The following NPHP4 variants were observed in gnomAD, a reference collection of about 807,000 sequenced individuals.
NPHP4 encodes the protein nephrocystin-4.
In NPHP4, 151 loss-of-function variants were observed where a neutral mutation model predicts 155.8. The ratio of observed to expected loss-of-function variants is 0.97; its 90% CI spans 0.85 to 1.11. The LOEUF is 1.11. NPHP4 is among the 50% of genes least tolerant of loss of function. The probability of loss-of-function intolerance (pLI) is 0.00; values close to 1 mark genes in which losing one functional copy is unlikely to be tolerated. For missense variants in NPHP4, 1,956 were observed against 1,925.7 expected (o/e 1.02, Z -0.29); for synonymous variants, 845 against 816.8 (o/e 1.03, Z -0.59).
Position 5,880,113 on chromosome 1 carries a change from C to CG in NPHP4, c.2611dup (p.Arg871ProfsTer16). On this transcript the variant is annotated frameshift_variant and splice_region_variant. Coordinates refer to ENST00000378156, the MANE Select transcript of NPHP4 (RefSeq NM_015102.5). LOFTEE classifies it high-confidence loss of function. Reference sequence around the variant, plus strand: ...ACATGGGCCCAACAGTGTAAACTCACGCCTTGAGCTTCCAGTCGTGAGGAG... The same window carrying CG: ...ACATGGGCCCAACAGTGTAAACTCACGGCCTTGAGCTTCCAGTCGTGAGGAG... 4 of 1,613,648 alleles carry CG rather than the reference C, an allele frequency of 2.5e-6. No individual in the cohort carries two copies. Among genetic ancestry groups the CG allele is most frequent in the Non-Finnish European group, 3.4e-6 (4 of 1,179,710 alleles).
Position 5,905,649 on chromosome 1 carries a change from C to A in NPHP4, c.1746G>T (p.Val582=). Reference sequence around the variant, plus strand: ...CACCTCACCTCCTGGTCTGGGTTCCCACAACAATAGGGGCATGCAAAGGCG... The same window carrying A: ...CACCTCACCTCCTGGTCTGGGTTCCAACAACAATAGGGGCATGCAAAGGCG... ...PFTPLHAPIV[V]GTQTRSSAGQ... The change falls in exon 14 of 30, where the codon GTG becomes GTT. Residue 582 remains valine, a synonymous_variant. Coordinates refer to ENST00000378156, the MANE Select transcript of NPHP4 (RefSeq NM_015102.5). The surrounding 1 kb of genome is among the most constrained non-coding windows in gnomAD (Gnocchi z 4.0). 6.2e-7 allele frequency: 1 copy of A among 1,613,920 alleles called. No individual in the cohort carries two copies. The highest frequency in any genetic ancestry group is 8.5e-7 in the Non-Finnish European group (1 of 1,179,864).
intron 2 of NPHP4, among the ~76,000 whole-genome samples, chr1:5,985,169 G>A (rs1002572615): frequency 2.6e-5 from 4 of 152,210 alleles, no homozygotes; most frequent in Admixed American, 1.3e-4. Context: ...TCACAGACCC[G>A]GGGCTCCAAC....
Position 5,867,531 on chromosome 1 carries a change from C to T in NPHP4, c.3472+209G>A, listed in dbSNP as rs540002093. On this transcript the variant is annotated intron_variant, in intron 24 of 29. Transcript: ENST00000378156. The surrounding 1 kb of genome is among the most constrained non-coding windows in gnomAD (Gnocchi z 4.1). ...GATTTTTTAGAAGGGCAGACTCAGC[C>T]GGCAAATGCGCACCTAGTCATCTCA... The T allele has an allele frequency of 8.2e-6, 5 of 610,258 alleles. No homozygotes were observed. Among genetic ancestry groups the T allele is most frequent in the East Asian group, 5.6e-5 (2 of 35,658 alleles). The allele number at this position is 610,258 out of a possible 1,614,324, so 37.8% of individuals were successfully genotyped here.
At chr1:5,872,057 G>A (rs1366473927) in intron 23 of NPHP4, among the ~76,000 whole-genome samples, 1 of 152,162 alleles carries the variant, frequency 6.6e-6, no homozygotes, top group African/African-American at 2.4e-5. Flanking sequence ...TATCTGACTA[G>A]TGCACAGCCA....
chr1:5,964,937 A>ATT lies in NPHP4; in HGVS notation c.517+2361_517+2362insAA, dbSNP rs1400602210. On this transcript the variant is annotated intron_variant, in intron 5 of 29. Transcript: ENST00000378156. ...ATATATTATATATATATATATATATATATATTTTTTTTTTTTGAGGCAGGG... is the reference window on the plus strand; with the variant it reads ...ATATATTATATATATATATATATATATTTATATTTTTTTTTTTTGAGGCAGGG... Among the ~76,000 whole-genome samples, 47 of 54,924 alleles carry ATT rather than the reference A, an allele frequency of 8.6e-4. 2 individuals carry two copies. The highest frequency in any genetic ancestry group is 3.6e-3 in the African/African-American group (39 of 10,782). 36.0% of individuals were successfully genotyped at this position (54,924 alleles called of 152,430 possible).
At chr1:5,991,071 G>T (rs1355461711) in intron 1 of NPHP4, among the ~76,000 whole-genome samples, 2 of 152,140 alleles carry the variant, frequency 1.3e-5, no homozygotes, top group Admixed American at 6.5e-5. Flanking sequence ...AAGATGCAGG[G>T]GGTGGGAGGC....
At chr1:5,952,265 C>T (rs376173201) in intron 7 of NPHP4, among the ~76,000 whole-genome samples, 2 of 152,240 alleles carry the variant, frequency 1.3e-5, no homozygotes, top group South Asian at 4.1e-4. Context: ...CGCCGACGTC[C>T]TCTGAACATG....
At position 5,867,965 on chromosome 1, in the gene NPHP4, G is replaced by T; in HGVS notation, c.3316-69C>A. On this transcript the variant is annotated intron_variant, in intron 23 of 29. Transcript: ENST00000378156. The surrounding 1 kb of genome is among the most constrained non-coding windows in gnomAD (Gnocchi z 4.1). Reference sequence around the variant, plus strand: ...GTGAGCAGCTTCTTGTCCCTCCTTAGACAGCACACGTATCTCCACTGTTGC... The same window carrying T: ...GTGAGCAGCTTCTTGTCCCTCCTTATACAGCACACGTATCTCCACTGTTGC... The T allele has an allele frequency of 6.6e-7, 1 of 1,517,250 alleles. No homozygotes were observed. Among genetic ancestry groups the T allele is most frequent in the Non-Finnish European group, 9.1e-7 (1 of 1,093,072 alleles). The allele number at this position is 1,517,250 out of a possible 1,614,324, so 94.0% of individuals were successfully genotyped here. A position where few individuals can be genotyped will look rare whatever the true frequency, so the allele number is the denominator to read the frequency against.
Position 5,910,872 on chromosome 1 carries a change from G to A in NPHP4, c.1442-1659C>T, listed in dbSNP as rs1188521440. On this transcript the variant is annotated intron_variant, in intron 11 of 29. Transcript: ENST00000378156. The surrounding 1 kb of genome is among the most constrained non-coding windows in gnomAD (Gnocchi z 5.4). ...CCCTGCTAAGGGCCTGTGGATGGGT[G>A]GAAGGCATTGGGGCAAGGCCAGAGG... is the stretch of plus-strand genomic sequence containing the variant. 3.3e-5 allele frequency among the ~76,000 whole-genome samples: 5 copies of A among 152,206 alleles called. No individual in the cohort carries two copies. Among genetic ancestry groups the A allele is most frequent in the Admixed American group, 3.3e-4 (5 of 15,284 alleles).
Position 5,874,884 on chromosome 1 carries a change from G to C in NPHP4, c.3034C>G (p.Pro1012Ala). 1.2e-6 allele frequency: 2 copies of C among 1,613,670 alleles called. No homozygotes were observed. The highest frequency in any genetic ancestry group is 1.7e-6 in the Non-Finnish European group (2 of 1,179,722). ...CCACTGAGACCTCACCTGAGCTCGG[G>C]GTTGTCGATCTCCACAGTCACCGTG... is the stretch of plus-strand genomic sequence containing the variant. The part of the protein sequence containing the change: ...QHTVTVEIDN[P>A]ELSVIVDSQE... Residue 1012 changes from proline (P) to alanine (A), a missense_variant, in exon 21 of 30, where the codon CCC becomes GCC. Coordinates refer to ENST00000378156, the MANE Select transcript of NPHP4 (RefSeq NM_015102.5).
intron 16 of NPHP4, among the ~76,000 whole-genome samples, chr1:5,903,368 C>G (rs1644765360): frequency 6.6e-6 from 1 of 152,174 alleles, no homozygotes; most frequent in Admixed American, 6.5e-5. Flanking sequence ...TGCTTTGTGT[C>G]TCTGCTGTCA....
At chr1:5,912,495 G>A (rs545398682) in intron 11 of NPHP4, among the ~76,000 whole-genome samples, 224 of 143,884 alleles carry the variant, frequency 1.6e-3, no homozygotes, top group Non-Finnish European at 2.9e-3. Context: ...CCGAGATCGC[G>A]CCACTGCACT....
intron 9 of NPHP4, among the ~76,000 whole-genome samples, chr1:5,945,903 T>TG (rs1553185052): frequency 0.028 from 4,250 of 151,272 alleles, 193 homozygotes; most frequent in African/African-American, 0.098. Context: ...TCTGGCATTG[T>TG]CCCCCCCCAG....
intron 3 of NPHP4, among the ~76,000 whole-genome samples, chr1:5,975,781 G>T (rs949274210): frequency 6.6e-6 from 1 of 152,224 alleles, no homozygotes. Context: ...AACTTCCGCC[G>T]CAACGGAAGC....
intron 11 of NPHP4, among the ~76,000 whole-genome samples, chr1:5,917,204 T>C (rs1645519488): frequency 6.6e-6 from 1 of 152,066 alleles, no homozygotes; most frequent in South Asian, 2.1e-4. Context: ...GAAGGGTGTG[T>C]GACCAAGGCC....
rs1645101363 is a variant in NPHP4 at position 5,910,005 on chromosome 1, G to T, written c.1442-792C>A. ...CAGGGCTCTCAGCCCCTGCACCTCA[G>T]CAGGAGGAAGCCCCAGCATCGCTGG... On this transcript the variant is annotated intron_variant, in intron 11 of 29. Transcript: ENST00000378156. The surrounding 1 kb of genome is among the most constrained non-coding windows in gnomAD (Gnocchi z 5.4). 6.6e-6 allele frequency among the ~76,000 whole-genome samples: 1 copy of T among 152,196 alleles called. No individual in the cohort carries two copies. The highest frequency in any genetic ancestry group is 2.4e-5 in the African/African-American group (1 of 41,458).
intron 11 of NPHP4, among the ~76,000 whole-genome samples, chr1:5,920,807 T>C (rs1645706721): frequency 6.6e-6 from 1 of 152,266 alleles, no homozygotes; most frequent in African/African-American, 2.4e-5. Context: ...CTGAGGTCTG[T>C]CTTCTAACTT....
intron 23 of NPHP4, 51 bp downstream of exon 23, chr1:5,873,201 G>A (rs1642190873): frequency 6.8e-7 from 1 of 1,477,402 alleles, no homozygotes; most frequent in Non-Finnish European, 9.5e-7. Context: ...GTCAGGCCCT[G>A]GGAATACCCA....
At position 5,948,199 on chromosome 1, in the gene NPHP4, C is replaced by T. The variant is rs774872736; in HGVS notation, c.863G>A (p.Arg288His). The change falls in exon 8 of 30, where the codon CGT becomes CAT. Residue 288 changes from arginine (R) to histidine (H), a missense_variant. By Grantham distance (29) the Arg-to-His change is conservative. Coordinates refer to ENST00000378156, the MANE Select transcript of NPHP4 (RefSeq NM_015102.5). ...GALEILERRL[R>H]VGVHNGLGFV... is the part of the protein sequence containing the mutation. ...GCCCAGACCATTGTGCACGCCCACA[C>T]GCAGGCGCCGCTCCAGGATCTCCAG... is the stretch of plus-strand genomic sequence containing the variant. The T allele has an allele frequency of 6.2e-5, 100 of 1,605,732 alleles. No individual in the cohort carries two copies. The highest frequency in any genetic ancestry group is 1.4e-4 in the South Asian group (13 of 89,968).
Sources: gnomAD v4.1 joint callset for allele counts (sites outside exome capture counted in the v4.1 genomes callset) on GRCh38, gnomAD v4.1.1 for gene constraint, Gnocchi (gnomAD v3.1) non-coding constraint, MANE v1.5 for transcripts, NCBI Gene and HGNC (gene_info 2026-07-23, HGNC 2026-07-21) for gene names.